Variants in PTPRD observed in about 807,000 individuals in gnomAD.
PTPRD encodes the protein receptor-type tyrosine-protein phosphatase delta.
Under a neutral mutation model 214.5 loss-of-function variants are expected in PTPRD, and 34 were observed. That is an observed-to-expected ratio of 0.16 (90% CI 0.12 to 0.21). The LOEUF is 0.21. PTPRD is among the 10% of genes least tolerant of loss of function. The pLI, the probability that PTPRD is intolerant of heterozygous loss-of-function variation, is 1.00. For synonymous variants in PTPRD, 1,128 were observed against 845.7 expected, an observed-to-expected ratio of 1.33 and a Z score of -5.79; for missense variants, 2,545 against 2,398.7, an observed-to-expected ratio of 1.06 and a Z score of -1.27.
chr9:10,182,259 C>CAAAAAAAAAAAAAAAAAAAAAAAAAAAA (rs3075574), intron 3 of PTPRD, among the ~76,000 whole-genome samples: 10 of 54,450 alleles, frequency 1.8e-4, no homozygotes, highest in South Asian at 6.3e-4. Flanking sequence ...GACTCTGCCT[C>CAAAAAAAAAAAAAAAAAAAAAAAAAAAA]AAAAAAAAAA....
chr9:8,834,234 A>T (rs10758999), intron 11 of PTPRD, among the ~76,000 whole-genome samples: 18,673 of 152,086 alleles, frequency 0.12, 1,386 homozygotes, highest in East Asian at 0.27. Context: ...TATAACAGAC[A>T]AGGAAGCTTT....
intron 3 of PTPRD, among the ~76,000 whole-genome samples, chr9:10,243,843 G>C (rs2091589674): frequency 6.6e-6 from 1 of 151,740 alleles, no homozygotes; most frequent in African/African-American, 2.4e-5. Context: ...AGACATATAT[G>C]TATTCATATT....
intron 9 of PTPRD, among the ~76,000 whole-genome samples, chr9:9,345,181 C>G (rs1056299613): frequency 6.6e-6 from 1 of 152,130 alleles, no homozygotes; most frequent in African/African-American, 2.4e-5. Context: ...TTCACACATT[C>G]TTTCATATGA....
intron 7 of PTPRD, among the ~76,000 whole-genome samples, chr9:9,682,651 G>C (rs2097096424): frequency 1.3e-5 from 2 of 151,692 alleles, no homozygotes; most frequent in Admixed American, 6.6e-5. Context: ...TCCAGTCTCT[G>C]TCCAGGTGTT....
chr9:9,235,409 A>C (rs1001580504), intron 9 of PTPRD, among the ~76,000 whole-genome samples: 1 of 152,172 alleles, frequency 6.6e-6, no homozygotes, highest in African/African-American at 2.4e-5. Flanking sequence ...CCCTTTGTCC[A>C]ATTGCACTCC....
chr9:10,396,251 C>T (rs1329670373), intron 2 of PTPRD, among the ~76,000 whole-genome samples: 2 of 151,924 alleles, frequency 1.3e-5, no homozygotes, highest in African/African-American at 2.4e-5. Flanking sequence ...GACTTTATCT[C>T]AGAAATAGCA....
intron 36 of PTPRD, among the ~76,000 whole-genome samples, chr9:8,403,204 G>A (rs2092622496): frequency 6.6e-6 from 1 of 152,184 alleles, no homozygotes; most frequent in African/African-American, 2.4e-5. Flanking sequence ...AAATAAAGCG[G>A]TGGTCAGCAG....
At chr9:8,867,835 C>A (rs1417509295) in intron 11 of PTPRD, among the ~76,000 whole-genome samples, 1 of 152,182 alleles carries the variant, frequency 6.6e-6, no homozygotes, top group Non-Finnish European at 1.5e-5. Flanking sequence ...GGGCCTTAAT[C>A]TTCTGTGTAT....
chr9:10,332,851 G>A (rs2096776519), intron 3 of PTPRD, among the ~76,000 whole-genome samples: 1 of 151,752 alleles, frequency 6.6e-6, no homozygotes, highest in African/African-American at 2.4e-5. Context: ...GAATCTCTAA[G>A]CACCTGATTA....
At chr9:8,644,123 T>C (rs2096637159) in intron 12 of PTPRD, among the ~76,000 whole-genome samples, 1 of 152,142 alleles carries the variant, frequency 6.6e-6, no homozygotes, top group African/African-American at 2.4e-5. Flanking sequence ...CTCTCTCTGT[T>C]GTTAGCTGAA....
rs976265886 is a variant in PTPRD, at chr9:9,433,750, C to T, written c.-236-36268G>A. Among the ~76,000 whole-genome samples, 58 of 152,264 alleles carry T rather than the reference C, an allele frequency of 3.8e-4. No individual in the cohort carries two copies. The Middle Eastern group carries it at 0.01, about 27-fold the overall frequency. ...ATATTTACAAGTCGCAAAAGAATAG[C>T]ATGCCACTTTAATTTTAGTACCAAA... On this transcript the variant is annotated intron_variant, in intron 8 of 45. Coordinates refer to ENST00000381196, the MANE Select transcript of PTPRD (RefSeq NM_002839.4).
chr9:9,349,716 A>C (rs1399089678), intron 9 of PTPRD, among the ~76,000 whole-genome samples: 1 of 150,350 alleles, frequency 6.7e-6, no homozygotes, highest in Non-Finnish European at 1.5e-5. Flanking sequence ...CCTAATTTCT[A>C]TATCACCTTG....
At chr9:10,228,080 G>A (rs2154353877) in intron 3 of PTPRD, among the ~76,000 whole-genome samples, 1 of 151,878 alleles carries the variant, frequency 6.6e-6, no homozygotes, top group Non-Finnish European at 1.5e-5. Context: ...AGAGATTTTG[G>A]ATACCTCAAA....
rs539031716 is a variant in PTPRD at position 8,765,444 on chromosome 9, G to A, written c.-103-31498C>T. Reference sequence around the variant, plus strand: ...TGTTCTAAGGACACTTAGGCAGCCCGTGGACAGCCCCACATGGTGAGAAAA... The same window carrying A: ...TGTTCTAAGGACACTTAGGCAGCCCATGGACAGCCCCACATGGTGAGAAAA... On this transcript the variant is annotated intron_variant, in intron 11 of 45. Coordinates refer to ENST00000381196, the MANE Select transcript of PTPRD (RefSeq NM_002839.4). 7.9e-5 allele frequency among the ~76,000 whole-genome samples: 12 copies of A among 152,284 alleles called. No individual in the cohort carries two copies. The South Asian group carries it at 1.9e-3, about 24-fold the overall frequency.
intron 3 of PTPRD, among the ~76,000 whole-genome samples, chr9:10,206,645 A>G (rs1406634460): frequency 6.6e-6 from 1 of 152,214 alleles, no homozygotes; most frequent in Non-Finnish European, 1.5e-5. Flanking sequence ...AGACAAGGAA[A>G]AAGTTTTGTA....
chr9:8,633,256 T>A, intron 14 of PTPRD, 61 bp downstream of exon 14: 1 of 1,573,316 alleles, frequency 6.4e-7, no homozygotes, highest in Admixed American at 1.9e-5. Flanking sequence ...TCAATGATGC[T>A]ACAAAAGAGA....
chr9:8,681,956 A>G (rs2097559016), intron 12 of PTPRD, among the ~76,000 whole-genome samples: 1 of 152,180 alleles, frequency 6.6e-6, no homozygotes, highest in Non-Finnish European at 1.5e-5. Flanking sequence ...AGGAGAAGAC[A>G]ATGGAAATCT....
At chr9:10,010,823 T>C (rs1033389562) in intron 4 of PTPRD, among the ~76,000 whole-genome samples, 1 of 151,930 alleles carries the variant, frequency 6.6e-6, no homozygotes, top group Admixed American at 6.6e-5. Flanking sequence ...ACTAATAACA[T>C]TTTTCACATT....
chr9:8,934,447 AAATT>A (rs530015091), intron 11 of PTPRD, among the ~76,000 whole-genome samples: 3,374 of 27,264 alleles, frequency 0.12, 277 homozygotes, highest in Non-Finnish European at 0.18. Context: ...ATATATATAT[AAATT>A]TATATATATA....
Sources: gnomAD v4.1 joint callset for allele counts (sites outside exome capture counted in the v4.1 genomes callset) on GRCh38, gnomAD v4.1.1 for gene constraint, MANE v1.5 for transcripts, NCBI Gene and HGNC (gene_info 2026-07-23, HGNC 2026-07-21) for gene names.